CACNA1I: variants seen among roughly 807,000 people sequenced by gnomAD.
The protein encoded by CACNA1I is voltage-dependent T-type calcium channel subunit alpha-1I.
CACNA1I carries 74 observed loss-of-function variants against 201.6 expected under a neutral mutation model. The ratio of observed to expected loss-of-function variants is 0.37; its 90% CI spans 0.30 to 0.45. The LOEUF is 0.45. Ranked by LOEUF, CACNA1I falls within the 20% of genes least tolerant of loss-of-function variation. The pLI is 1.00. For missense variants in CACNA1I, 2,346 were observed against 3,138.1 expected, an observed-to-expected ratio of 0.75 and a Z score of 6.03; for synonymous variants, 1,431 against 1,345.2, an observed-to-expected ratio of 1.06 and a Z score of -1.40.
In CACNA1I at chr22:39,570,874, C is replaced by T. The variant is rs781264945; in HGVS notation, c.122C>T (p.Pro41Leu). ...PPSSPPGLEE[P>L]LDGADPHVPH... ...TCCTCCCCGCCAGGCCTGGAGGAGC[C>T]TCTGGATGGAGCTGATCCTCATGTC... Residue 41 changes from proline (P) to leucine (L), a missense_variant, in exon 1 of 37, where the codon CCT becomes CTT. Physicochemically the swap from Pro to Leu is moderately conservative, Grantham distance 98. This residue lies in a region of CACNA1I where 130 missense variants were observed against 160.7 expected (regional missense o/e 0.81). Transcript: ENST00000402142. The T allele has an allele frequency of 3.1e-6, 5 of 1,613,642 alleles. No homozygotes were observed. The African/African-American group carries it at 6.7e-5, about 22-fold the overall frequency.
intron 10 of CACNA1I, among the ~76,000 whole-genome samples, chr22:39,653,750 C>G (rs575802072): frequency 6.6e-6 from 1 of 152,220 alleles, no homozygotes; most frequent in Admixed American, 6.5e-5. Flanking sequence ...GTTGCTCAAG[C>G]CTTTAGGGTG....
chr22:39,598,093 G>C, intron 1 of CACNA1I, 58 bp from the exon 2 acceptor site: 2 of 983,878 alleles, frequency 2.0e-6, no homozygotes, highest in South Asian at 2.8e-5. Context: ...ACTCTAGGGT[G>C]CACCCCAGCC....
At chr22:39,616,007 C>T (rs935271929) in intron 3 of CACNA1I, among the ~76,000 whole-genome samples, 1 of 152,134 alleles carries the variant, frequency 6.6e-6, no homozygotes, top group Non-Finnish European at 1.5e-5. Flanking sequence ...AGCTTTTCAC[C>T]GGGGTCTGAG....
Position 39,596,504 on chromosome 22 carries a change from CAGGGT to C in CACNA1I, c.237-1646_237-1642del, listed in dbSNP as rs1271101432. Among the ~76,000 whole-genome samples the C allele has an allele frequency of 2.2e-4, 7 of 32,334 alleles. 1 individual carries two copies. Among genetic ancestry groups the C allele is most frequent in the Non-Finnish European group, 3.7e-4 (6 of 16,110 alleles). The allele number at this position is 32,334 out of a possible 152,430, so 21.2% of individuals were successfully genotyped here. A position where few individuals can be genotyped will look rare whatever the true frequency, so the allele number is the denominator to read the frequency against. Reference sequence around the variant, plus strand: ...GAGCAGGATGGAGAGAGATGGGGGGCAGGGTGGAGAGAGATGGGGGGGCAGGGCAG... The same window carrying C: ...GAGCAGGATGGAGAGAGATGGGGGGCGGAGAGAGATGGGGGGGCAGGGCAG... On this transcript the variant is annotated intron_variant, in intron 1 of 36. Transcript: ENST00000402142.
chr22:39,618,563 A>G (rs945914423), intron 3 of CACNA1I, among the ~76,000 whole-genome samples: 6 of 152,040 alleles, frequency 3.9e-5, no homozygotes, highest in Non-Finnish European at 7.4e-5. Context: ...CTCTTCAAGC[A>G]GCGGGAGGGG....
In CACNA1I at chr22:39,634,689, G is replaced by C. The variant is rs1222794022; in HGVS notation, c.705G>C (p.Leu235=). 6.2e-7 allele frequency: 1 copy of C among 1,613,868 alleles called. No homozygotes were observed. Among genetic ancestry groups the C allele is most frequent in the Admixed American group, 1.7e-5 (1 of 60,010 alleles). The change falls in exon 5 of 37, where the codon CTG becomes CTC. Residue 235 remains leucine (L), a synonymous_variant. Coordinates refer to ENST00000402142, the MANE Select transcript of CACNA1I (RefSeq NM_021096.4). The stretch of plus-strand genomic sequence containing the variant: ...GTGTGCAGCTCTGGGCGGGCCTGCT[G>C]CGTAACCGCTGCTTCCTGGAGGAGA... ...IIGVQLWAGL[L]RNRCFLEENF...
intron 1 of CACNA1I, among the ~76,000 whole-genome samples, chr22:39,576,952 T>C (rs911665805): frequency 2.9e-4 from 44 of 152,154 alleles, no homozygotes; most frequent in Non-Finnish European, 2.9e-5. Flanking sequence ...GTGCTTCTTC[T>C]TCTTCTTCTT....
chr22:39,633,129 C>G (rs1246296908), intron 4 of CACNA1I, among the ~76,000 whole-genome samples: 1 of 152,242 alleles, frequency 6.6e-6, no homozygotes, highest in Middle Eastern at 3.4e-3. Flanking sequence ...TTGTCACCAT[C>G]CTTCCATCTT....
chr22:39,641,029 C>T lies in CACNA1I; in HGVS notation c.903C>T (p.Tyr301=), dbSNP rs200846884. 117 of 1,614,050 alleles carry T rather than the reference C, an allele frequency of 7.2e-5. No homozygotes were observed. The African/African-American group carries it at 9.2e-4, about 13-fold the overall frequency. The change falls in exon 6 of 37, where the codon TAC becomes TAT. Residue 301 remains tyrosine, a synonymous_variant. Coordinates refer to ENST00000402142, the MANE Select transcript of CACNA1I (RefSeq NM_021096.4). ...GCTGCCTGTCCAAGGACGACGTCTACGACTTTGGGGCGGGGCGCCAGGACC... is the reference window on the plus strand; with the variant it reads ...GCTGCCTGTCCAAGGACGACGTCTATGACTTTGGGGCGGGGCGCCAGGACC... ...RECCLSKDDV[Y]DFGAGRQDLN...
chr22:39,650,305 TAAA>T (rs136831), intron 10 of CACNA1I, among the ~76,000 whole-genome samples: 1 of 143,900 alleles, frequency 6.9e-6, no homozygotes, highest in Non-Finnish European at 1.5e-5. Context: ...TTTTCTTCTT[TAAA>T]AAAAAAAAAA....
chr22:39,686,506 G>A lies in CACNA1I; in HGVS notation c.*101G>A, dbSNP rs1935884235. ...CAATACTTCGTCCACACCTGGGATC[G>A]CGCAGGGCCCGCAGGGCACAGGCGC... On this transcript the variant is annotated 3_prime_UTR_variant, in exon 37 of 37. Transcript: ENST00000402142. 2 of 939,202 alleles carry A rather than the reference G, an allele frequency of 2.1e-6. No homozygotes were observed. The highest frequency in any genetic ancestry group is 2.7e-6 in the Non-Finnish European group (2 of 730,864). The allele number at this position is 939,202 out of a possible 1,614,324, so 58.2% of individuals were successfully genotyped here.
chr22:39,661,445 G>A, intron 16 of CACNA1I, 135 bp downstream of exon 16: 1 of 665,536 alleles, frequency 1.5e-6, no homozygotes, highest in Non-Finnish European at 2.4e-6. Flanking sequence ...CATGTCTGTT[G>A]CATTCCTGGG....
intron 2 of CACNA1I, 97 bp downstream of exon 2, chr22:39,598,359 T>C (rs1256288597): frequency 8.1e-5 from 49 of 608,628 alleles, no homozygotes; most frequent in Middle Eastern, 4.2e-4. Context: ...TGTCCTGGCC[T>C]TGCCCCGCCC....
chr22:39,652,844 G>A (rs1400728589), intron 10 of CACNA1I, among the ~76,000 whole-genome samples: 1 of 152,228 alleles, frequency 6.6e-6, no homozygotes, highest in Non-Finnish European at 1.5e-5. Flanking sequence ...ATTTGAGGCT[G>A]CAGTGATTGG....
chr22:39,615,983 C>T (rs942662364), intron 3 of CACNA1I, among the ~76,000 whole-genome samples: 9 of 152,270 alleles, frequency 5.9e-5, no homozygotes, highest in African/African-American at 1.4e-4. Context: ...TCTACAGGAA[C>T]GTTTTCTTGG....
At chr22:39,606,930 C>T (rs528119366) in intron 3 of CACNA1I, among the ~76,000 whole-genome samples, 6 of 152,232 alleles carry the variant, frequency 3.9e-5, no homozygotes, top group Non-Finnish European at 7.3e-5. Context: ...GAACTTGAGA[C>T]GTTCTTTATC....
At chr22:39,653,095 G>A (rs136841) in intron 10 of CACNA1I, among the ~76,000 whole-genome samples, 14,331 of 132,696 alleles carry the variant, frequency 0.11, 770 homozygotes, top group Middle Eastern at 0.18. Context: ...CCCCCCACAC[G>A]GTGGCTAAGA....
chr22:39,614,891 C>A (rs571282946), intron 3 of CACNA1I, among the ~76,000 whole-genome samples: 3 of 152,360 alleles, frequency 2.0e-5, no homozygotes, highest in East Asian at 3.9e-4. Context: ...CTCTTTAAAG[C>A]AACATTACTT....
intron 34 of CACNA1I, among the ~76,000 whole-genome samples, chr22:39,681,694 A>G (rs1035113903): frequency 2.0e-5 from 3 of 150,402 alleles, no homozygotes; most frequent in African/African-American, 7.4e-5. Flanking sequence ...TGGGCTCCTG[A>G]TCTCAAGGTC....
Sources: gnomAD v4.1 joint callset for allele counts (sites outside exome capture counted in the v4.1 genomes callset) on GRCh38, gnomAD v4.1.1 for gene constraint, gnomAD v4.1.1 regional missense constraint, MANE v1.5 for transcripts, NCBI Gene and HGNC (gene_info 2026-07-23, HGNC 2026-07-21) for gene names.